The following CNTNAP5 variants were observed in gnomAD, a reference collection of about 807,000 sequenced individuals.
CNTNAP5 encodes contactin-associated protein-like 5.
Under a neutral mutation model 150.2 loss-of-function variants are expected in CNTNAP5, and 72 were observed. The observed-to-expected ratio is 0.48, with a 90% CI of 0.40 to 0.58. The LOEUF is 0.58. CNTNAP5 is among the 20% of genes least tolerant of loss of function. The pLI is 0.00. For missense variants in CNTNAP5, 1,636 were observed against 1,626.2 expected (o/e 1.01, Z -0.10); for synonymous variants, 672 against 619.8 (o/e 1.08, Z -1.25).
intron 1 of CNTNAP5, among the ~76,000 whole-genome samples, chr2:124,127,763 AC>A (rs1450443577): frequency 2.0e-5 from 3 of 152,186 alleles, no homozygotes; most frequent in Non-Finnish European, 2.9e-5. Context: ...CCACACACCT[AC>A]AACCATTTGA....
chr2:124,191,108 T>C (rs1685447763), intron 1 of CNTNAP5, among the ~76,000 whole-genome samples: 1 of 152,236 alleles, frequency 6.6e-6, no homozygotes, highest in African/African-American at 2.4e-5. Context: ...ATTGGTGTCT[T>C]TAAGGAATTT....
At chr2:124,239,864 T>A (rs796464079) in intron 2 of CNTNAP5, among the ~76,000 whole-genome samples, 1 of 152,140 alleles carries the variant, frequency 6.6e-6, no homozygotes, top group Non-Finnish European at 1.5e-5. Context: ...CAGAGGGGAA[T>A]GGGAATTGTG....
At chr2:124,098,048 T>TA (rs899002801) in intron 1 of CNTNAP5, among the ~76,000 whole-genome samples, 1 of 151,700 alleles carries the variant, frequency 6.6e-6, no homozygotes, top group Non-Finnish European at 1.5e-5. Context: ...AATAAATAGA[T>TA]AAAAAAACAA....
intron 3 of CNTNAP5, among the ~76,000 whole-genome samples, chr2:124,257,613 A>G (rs572823950): frequency 6.6e-6 from 1 of 152,092 alleles, no homozygotes; most frequent in Non-Finnish European, 1.5e-5. Context: ...TCCTGATTCA[A>G]TTACTTCAAG....
In CNTNAP5 at chr2:124,296,678, G is replaced by A. The variant is rs573720641; in HGVS notation, c.381+54285G>A. Among the ~76,000 whole-genome samples, 219 of 152,090 alleles carry A rather than the reference G, an allele frequency of 1.4e-3. 2 individuals carry two copies. The highest frequency in any genetic ancestry group is 1.0e-2 in the South Asian group (48 of 4,812). On this transcript the variant is annotated intron_variant, in intron 3 of 23. Transcript: ENST00000682447. ...TGTGTGGTAGTGTTTTCATAAAGTC[G>A]GCATGTGGCCTCTCTTAGTATAGAG...
At chr2:124,372,754 C>T (rs1265978366) in intron 3 of CNTNAP5, among the ~76,000 whole-genome samples, 1 of 152,046 alleles carries the variant, frequency 6.6e-6, no homozygotes, top group Non-Finnish European at 1.5e-5. Context: ...ACCAAATTGA[C>T]TCAGGGTTCC....
intron 8 of CNTNAP5, among the ~76,000 whole-genome samples, chr2:124,510,239 A>ATATATC (rs1160060207): frequency 2.0e-4 from 29 of 141,624 alleles, no homozygotes; most frequent in Admixed American, 9.3e-4. Flanking sequence ...TTATATATCT[A>ATATATC]TATATCTATA....
At chr2:124,317,514 G>A (rs1688997541) in intron 3 of CNTNAP5, among the ~76,000 whole-genome samples, 1 of 151,996 alleles carries the variant, frequency 6.6e-6, no homozygotes, top group African/African-American at 2.4e-5. Flanking sequence ...ACAGTTAATG[G>A]AGCCATCTAC....
chr2:124,567,856 G>GATAGAGATAGATAGATAGATAGATAGAT (rs1558957553), intron 11 of CNTNAP5, among the ~76,000 whole-genome samples: 9 of 112,418 alleles, frequency 8.0e-5, no homozygotes, highest in Non-Finnish European at 1.7e-4. Flanking sequence ...TAGATAGATA[G>GATAGAGATAGATAGATAGATAGATAGAT]ATAGATAGAT....
intron 1 of CNTNAP5, among the ~76,000 whole-genome samples, chr2:124,153,878 G>C (rs1036931544): frequency 6.6e-6 from 1 of 151,914 alleles, no homozygotes; most frequent in Admixed American, 6.6e-5. Context: ...CTCCAAAAGT[G>C]CTGGGATTAG....
chr2:124,529,990 C>T (rs1222414234), intron 10 of CNTNAP5, among the ~76,000 whole-genome samples: 3 of 152,248 alleles, frequency 2.0e-5, no homozygotes, highest in Non-Finnish European at 2.9e-5. Flanking sequence ...GTGCTAGTCA[C>T]GTGGGAAAAT....
chr2:124,036,474 A>G (rs1455790926), intron 1 of CNTNAP5, among the ~76,000 whole-genome samples: 2 of 151,956 alleles, frequency 1.3e-5, no homozygotes, highest in East Asian at 1.9e-4. Flanking sequence ...TGTACCTTTG[A>G]GTGAATGTGC....
At chr2:124,759,992 C>A (rs1680925118) in intron 14 of CNTNAP5, among the ~76,000 whole-genome samples, 1 of 114,322 alleles carries the variant, frequency 8.7e-6, no homozygotes, top group African/African-American at 3.4e-5. Flanking sequence ...AGAAAGAAAG[C>A]AAAAGAGAAA....
At chr2:124,216,339 A>G (rs1202123528) in intron 1 of CNTNAP5, among the ~76,000 whole-genome samples, 4 of 152,156 alleles carry the variant, frequency 2.6e-5, no homozygotes, top group African/African-American at 7.2e-5. Flanking sequence ...CATTTTAAAA[A>G]TAGACTTTTA....
chr2:124,484,828 A>G (rs539858202), intron 7 of CNTNAP5, among the ~76,000 whole-genome samples: 1 of 152,350 alleles, frequency 6.6e-6, no homozygotes, highest in East Asian at 1.9e-4. Context: ...TTGAGGCTTC[A>G]TTGATGCCTG....
intron 19 of CNTNAP5, among the ~76,000 whole-genome samples, chr2:124,821,586 A>C (rs1391450670): frequency 6.6e-6 from 1 of 152,190 alleles, no homozygotes; most frequent in East Asian, 1.9e-4. Context: ...TGCAATGTAC[A>C]ACTGTTCCAA....
intron 16 of CNTNAP5, among the ~76,000 whole-genome samples, chr2:124,764,575 G>C (rs1681028269): frequency 2.0e-5 from 3 of 152,114 alleles, no homozygotes; most frequent in Non-Finnish European, 4.4e-5. Flanking sequence ...CACACTAGGA[G>C]CGTGTGACTA....
intron 3 of CNTNAP5, among the ~76,000 whole-genome samples, chr2:124,273,162 A>G (rs991933329): frequency 1.3e-5 from 2 of 152,216 alleles, no homozygotes; most frequent in African/African-American, 4.8e-5. Flanking sequence ...TAAATGCTCA[A>G]TAAGCATTGG....
intron 7 of CNTNAP5, among the ~76,000 whole-genome samples, chr2:124,477,086 T>C (rs1302404260): frequency 6.6e-6 from 1 of 152,124 alleles, no homozygotes; most frequent in African/African-American, 2.4e-5. Flanking sequence ...ATTCCTATAG[T>C]CTTTTAGTTG....
Sources: gnomAD v4.1 joint callset for allele counts (sites outside exome capture counted in the v4.1 genomes callset) on GRCh38, gnomAD v4.1.1 for gene constraint, MANE v1.5 for transcripts, NCBI Gene and HGNC (gene_info 2026-07-23, HGNC 2026-07-21) for gene names.